TTC7A: variants seen among roughly 807,000 people sequenced by gnomAD.
The protein encoded by TTC7A is tetratricopeptide repeat domain 7A, also known as tetratricopeptide repeat protein 7A.
TTC7A carries 110 observed loss-of-function variants against 103.7 expected under a neutral mutation model. That is an observed-to-expected ratio of 1.06 (90% CI 0.91 to 1.24). TTC7A has a LOEUF of 1.24. Ranked by LOEUF, TTC7A falls within the 50% of genes most tolerant of loss-of-function variation. The pLI, the probability that TTC7A is intolerant of heterozygous loss-of-function variation, is 0.00. For missense variants in TTC7A, 1,340 were observed against 1,116.3 expected, an observed-to-expected ratio of 1.20 and a Z score of -2.86; for synonymous variants, 521 against 467.9, an observed-to-expected ratio of 1.11 and a Z score of -1.47.
Position 46,978,812 on chromosome 2 carries a change from G to A in TTC7A, c.669G>A (p.Ser223=), listed in dbSNP as rs777759191. ...ELEKTTNNST[S]RHLKGCHPLD... ...CCCAGACCACAAATAACAGCACGTCGAGGCATCTGAAAGGCTGTCACCCGC... is the reference window on the plus strand; with the variant it reads ...CCCAGACCACAAATAACAGCACGTCAAGGCATCTGAAAGGCTGTCACCCGC... Residue 223 remains serine (S), a synonymous_variant, in exon 5 of 20, where the codon TCG becomes TCA. Coordinates refer to ENST00000319190, the MANE Select transcript of TTC7A (RefSeq NM_020458.4). 1.9e-5 allele frequency: 30 copies of A among 1,613,776 alleles called. No homozygotes were observed. Among genetic ancestry groups the A allele is most frequent in the East Asian group, 2.2e-5 (1 of 44,872 alleles).
At position 47,012,427 on chromosome 2, in the gene TTC7A, G is replaced by C. The variant is rs565245326; in HGVS notation, c.1392+992G>C. On this transcript the variant is annotated intron_variant, in intron 11 of 19. Coordinates refer to ENST00000319190, the MANE Select transcript of TTC7A (RefSeq NM_020458.4). Reference sequence around the variant, plus strand: ...CCAGGCCCAGGGTCTCCTAAAGTGGGCACTTCCCCTGGAGATGGCCTCCCT... The same window carrying C: ...CCAGGCCCAGGGTCTCCTAAAGTGGCCACTTCCCCTGGAGATGGCCTCCCT... Among the ~76,000 whole-genome samples the C allele has an allele frequency of 4.6e-4, 70 of 152,280 alleles. 1 individual carries two copies. The highest frequency in any genetic ancestry group is 3.4e-3 in the Middle Eastern group (1 of 294).
chr2:47,057,834 C>T (rs1683443536), intron 18 of TTC7A, among the ~76,000 whole-genome samples: 1 of 152,226 alleles, frequency 6.6e-6, no homozygotes, highest in African/African-American at 2.4e-5. Flanking sequence ...CCTGACCACA[C>T]CAGCAGCATC....
At chr2:47,016,053 C>T (rs189864879) in intron 11 of TTC7A, among the ~76,000 whole-genome samples, 64 of 152,266 alleles carry the variant, frequency 4.2e-4, no homozygotes, top group Admixed American at 3.5e-3. Context: ...CGAGGGCAAA[C>T]CTTTTTGGCT....
At chr2:47,060,618 A>G (rs1373159824) in intron 18 of TTC7A, 151 bp from the exon 19 acceptor site, 1 of 662,322 alleles carries the variant, frequency 1.5e-6, no homozygotes, top group East Asian at 2.8e-5. Context: ...TTCCCACTAC[A>G]TCCTATAGTC....
upstream of TTC7A, among the ~76,000 whole-genome samples, chr2:46,938,337 C>CT (rs906515735): frequency 1.6e-4 from 24 of 151,440 alleles, no homozygotes; most frequent in African/African-American, 3.2e-4. Context: ...ACTATTATAC[C>CT]TTTTTTTTTC....
intron 19 of TTC7A, 140 bp downstream of exon 19, chr2:47,061,111 G>C: frequency 3.5e-6 from 3 of 854,202 alleles, no homozygotes; most frequent in Non-Finnish European, 5.3e-6. Context: ...AGGGGAGGGG[G>C]CTTCCCTCCT....
At chr2:47,020,579 C>A (rs72806591) in intron 11 of TTC7A, among the ~76,000 whole-genome samples, 2 of 152,234 alleles carry the variant, frequency 1.3e-5, no homozygotes, top group African/African-American at 4.8e-5. Flanking sequence ...AGCTCGCCCA[C>A]AAGGTGGCTG....
intron 15 of TTC7A, among the ~76,000 whole-genome samples, chr2:47,043,923 C>T (rs1051760441): frequency 3.3e-5 from 5 of 152,196 alleles, no homozygotes; most frequent in African/African-American, 7.2e-5. Context: ...AGACCCATTC[C>T]GGCCCTCAAA....
intron 19 of TTC7A, among the ~76,000 whole-genome samples, chr2:47,069,856 C>A (rs976520630): frequency 1.3e-5 from 2 of 152,246 alleles, no homozygotes; most frequent in African/African-American, 4.8e-5. Flanking sequence ...CAAACGCAGG[C>A]TCCAGGGACC....
At chr2:46,946,279 C>T (rs952997119) in intron 1 of TTC7A, among the ~76,000 whole-genome samples, 7 of 152,106 alleles carry the variant, frequency 4.6e-5, no homozygotes, top group Admixed American at 4.6e-4. Context: ...TTCTTAAATG[C>T]CCCTGGGTAG....
intron 2 of TTC7A, among the ~76,000 whole-genome samples, chr2:46,927,952 G>A (rs967900920): frequency 1.6e-5 from 2 of 128,638 alleles, no homozygotes; most frequent in Non-Finnish European, 3.1e-5. Context: ...GGAGTATAGT[G>A]GCACGGTCAT....
At chr2:47,054,195 T>C (rs539450185) in intron 18 of TTC7A, 2 of 984,718 alleles carry the variant, frequency 2.0e-6, no homozygotes, top group South Asian at 9.4e-5. Flanking sequence ...TTTGGGTGCA[T>C]GTAGCAGATC....
At chr2:47,024,173 C>A in intron 13 of TTC7A, 114 bp from the exon 14 acceptor site, 1 of 906,738 alleles carries the variant, frequency 1.1e-6, no homozygotes, top group East Asian at 3.1e-5. Context: ...TGGCAGAATC[C>A]CCCAGGGTAT....
chr2:46,952,549 G>C (rs1314265032), intron 2 of TTC7A, among the ~76,000 whole-genome samples: 1 of 152,178 alleles, frequency 6.6e-6, no homozygotes, highest in Non-Finnish European at 1.5e-5. Context: ...CCAGAAGTTT[G>C]AGATCAGACT....
intron 8 of TTC7A, among the ~76,000 whole-genome samples, chr2:46,996,146 C>T (rs1413578943): frequency 6.6e-6 from 1 of 152,168 alleles, no homozygotes; most frequent in Non-Finnish European, 1.5e-5. Context: ...AAGGAGAGTG[C>T]ACTGTGGCTG....
At chr2:46,993,264 C>T (rs1479261672) in intron 5 of TTC7A, among the ~76,000 whole-genome samples, 186 bp from the exon 6 acceptor site, 1 of 152,176 alleles carries the variant, frequency 6.6e-6, no homozygotes, top group Non-Finnish European at 1.5e-5. Context: ...ATCCTCCCTC[C>T]TTTTTGTTGA....
At chr2:46,928,716 G>C (rs573006933) in intron 2 of TTC7A, among the ~76,000 whole-genome samples, 1 of 151,970 alleles carries the variant, frequency 6.6e-6, no homozygotes, top group South Asian at 2.1e-4. Context: ...GCTGCAGTGA[G>C]CTGTGATTGC....
chr2:46,916,169 G>A, exon 1 of TTC7A: 1 of 985,370 alleles, frequency 1.0e-6, no homozygotes, highest in Non-Finnish European at 1.2e-6. Context: ...CCTATACAGG[G>A]CTCTTGGTTC....
In TTC7A at chr2:46,941,826, C is replaced by A; in HGVS notation, c.184+101C>A. 1 of 1,449,800 alleles carries A rather than the reference C, an allele frequency of 6.9e-7. No individual in the cohort carries two copies. The highest frequency in any genetic ancestry group is 1.3e-5 in the South Asian group (1 of 77,890). 89.8% of individuals were successfully genotyped at this position (1,449,800 alleles called of 1,614,324 possible). The stretch of plus-strand genomic sequence containing the variant: ...ACAGTCCTCGGCCGACAGCGGGCGC[C>A]TGCCAGCCCACCGTGCTAGTCTTAA... On this transcript the variant is annotated intron_variant, in intron 1 of 19. Coordinates refer to ENST00000319190, the MANE Select transcript of TTC7A (RefSeq NM_020458.4). The surrounding 1 kb of genome is among the most constrained non-coding windows in gnomAD (Gnocchi z 4.2).
Sources: gnomAD v4.1 joint callset for allele counts (sites outside exome capture counted in the v4.1 genomes callset) on GRCh38, gnomAD v4.1.1 for gene constraint, Gnocchi (gnomAD v3.1) non-coding constraint, MANE v1.5 for transcripts, NCBI Gene and HGNC (gene_info 2026-07-23, HGNC 2026-07-21) for gene names.